IFT80: variants seen among roughly 807,000 people sequenced by gnomAD.
IFT80 encodes the protein intraflagellar transport protein 80 homolog.
In IFT80, 79 loss-of-function variants were observed where a neutral mutation model predicts 107.9. The observed-to-expected ratio is 0.73, with a 90% CI of 0.61 to 0.88. The LOEUF is 0.88. IFT80 is among the 40% of genes least tolerant of loss of function. The pLI, the probability that IFT80 is intolerant of heterozygous loss-of-function variation, is 0.00. For missense variants in IFT80, 797 were observed against 914.2 expected (o/e 0.87, Z 1.65); for synonymous variants, 299 against 300.9 (o/e 0.99, Z 0.07).
At chr3:160,383,867 T>A in intron 2 of IFT80, 1 of 985,414 alleles carries the variant, frequency 1.0e-6, no homozygotes, top group South Asian at 4.7e-5. Context: ...TGTCCTTCAC[T>A]TTATCATGAA....
At position 160,319,838 on chromosome 3, in the gene IFT80, G is replaced by A. The variant is rs143660757; in HGVS notation, c.879C>T (p.Val293=). ...GTTGTTCCACCACATGTGCAAAAAC[G>A]ACATGTCCATTTCCACAGGCTCCAG... The part of the protein sequence containing the change: ...QIAGACGNGH[V]VFAHVVEQHW... Residue 293 remains valine, a synonymous_variant, in exon 9 of 20, where the codon GTC becomes GTT. Transcript: ENST00000326448. The A allele has an allele frequency of 2.1e-4, 331 of 1,612,760 alleles. 6 individuals carry two copies. The South Asian group carries it at 3.0e-3, about 15-fold the overall frequency.
At chr3:160,350,801 G>A (rs565790839) in intron 8 of IFT80, among the ~76,000 whole-genome samples, 42 of 151,930 alleles carry the variant, frequency 2.8e-4, no homozygotes, top group African/African-American at 9.2e-4. Flanking sequence ...GCGACAGAGC[G>A]AGGCTCCGTT....
In IFT80 at chr3:160,325,661, T is replaced by C. The variant is rs763434419; in HGVS notation, c.778-5722A>G. On this transcript the variant is annotated intron_variant, in intron 8 of 19. Coordinates refer to ENST00000326448, the MANE Select transcript of IFT80 (RefSeq NM_020800.3). ...CTTCAGATTTTGAAATATTTGCATA[T>C]ACATAAAAAGATATCTTGAGAATGA... 1.1e-4 allele frequency among the ~76,000 whole-genome samples: 17 copies of C among 152,244 alleles called. No homozygotes were observed. In the South Asian group the frequency reaches 1.2e-3, roughly 11 times the overall value.
In IFT80 at chr3:160,357,373, A is replaced by G. The variant is rs1478046257; in HGVS notation, c.639+116T>C. 7 of 627,322 alleles carry G rather than the reference A, an allele frequency of 1.1e-5. 1 individual carries two copies. The South Asian group carries it at 1.4e-4, about 13-fold the overall frequency. 38.9% of individuals were successfully genotyped at this position (627,322 alleles called of 1,614,324 possible). A position where few individuals can be genotyped will look rare whatever the true frequency, so the allele number is the denominator to read the frequency against. On this transcript the variant is annotated intron_variant, in intron 7 of 19. Transcript: ENST00000326448. ...ACTTAACATTATAAAATAATTTGCT[A>G]AATTACTGGAGTAAAAAGACATGGC... is the stretch of plus-strand genomic sequence containing the variant.
intron 8 of IFT80, among the ~76,000 whole-genome samples, chr3:160,337,867 A>T (rs1719614574): frequency 6.6e-6 from 1 of 152,044 alleles, no homozygotes; most frequent in South Asian, 2.1e-4. Flanking sequence ...ATCTGGGTCA[A>T]TTTTCCTAAT....
intron 18 of IFT80, among the ~76,000 whole-genome samples, chr3:160,276,491 GAC>G (rs1271639566): frequency 6.6e-6 from 1 of 152,096 alleles, no homozygotes; most frequent in Non-Finnish European, 1.5e-5. Context: ...GATCATGAAA[GAC>G]ACTTCAAACC....
chr3:160,382,825 A>T (rs771370004), intron 2 of IFT80, among the ~76,000 whole-genome samples: 6 of 152,186 alleles, frequency 3.9e-5, no homozygotes, highest in Non-Finnish European at 8.8e-5. Context: ...ATTTTTTAAT[A>T]CTTCAAAATA....
chr3:160,336,236 AG>A (rs1438677255), intron 8 of IFT80, among the ~76,000 whole-genome samples: 4 of 152,134 alleles, frequency 2.6e-5, no homozygotes, highest in Non-Finnish European at 5.9e-5. Context: ...TCCAAAGTGG[AG>A]GGGTTACTTT....
intron 8 of IFT80, among the ~76,000 whole-genome samples, chr3:160,330,272 C>T (rs1290037069): frequency 6.6e-6 from 1 of 152,116 alleles, no homozygotes; most frequent in Non-Finnish European, 1.5e-5. Flanking sequence ...TTTAAAAGTT[C>T]TCTAGGTGAT....
chr3:160,310,995 G>A (rs1409694028), intron 9 of IFT80, among the ~76,000 whole-genome samples: 1 of 152,096 alleles, frequency 6.6e-6, no homozygotes, highest in African/African-American at 2.4e-5. Context: ...TGTGGTGGCA[G>A]ACACCTGTGG....
rs573476225 is a variant in IFT80, at chr3:160,370,420, C to T, written c.440-4268G>A. On this transcript the variant is annotated intron_variant, in intron 5 of 19. Transcript: ENST00000326448. ...TGGCCAAATCATTGGCATTCAAACACGAAGAATGATTTCCTTTTCATTTTA... is the reference window on the plus strand; with the variant it reads ...TGGCCAAATCATTGGCATTCAAACATGAAGAATGATTTCCTTTTCATTTTA... Among the ~76,000 whole-genome samples the T allele has an allele frequency of 1.1e-4, 17 of 151,006 alleles. No homozygotes were observed. The South Asian group carries it at 2.9e-3, about 26-fold the overall frequency.
intron 10 of IFT80, among the ~76,000 whole-genome samples, chr3:160,304,394 TA>T (rs779888742): frequency 5.3e-5 from 8 of 152,098 alleles, no homozygotes; most frequent in Non-Finnish European, 1.2e-4. Context: ...ATATCTGGAT[TA>T]GAAATATGGT....
At chr3:160,316,167 C>A (rs370120326) in intron 9 of IFT80, among the ~76,000 whole-genome samples, 1 of 152,110 alleles carries the variant, frequency 6.6e-6, no homozygotes, top group East Asian at 1.9e-4. Flanking sequence ...GCTTGCTCTG[C>A]TAAAGCAAAC....
rs149474183 is a variant in IFT80 at position 160,344,527 on chromosome 3, C to A, written c.777+11486G>T. Among the ~76,000 whole-genome samples the A allele has an allele frequency of 1.3e-3, 201 of 152,186 alleles. 1 individual carries two copies. Among genetic ancestry groups the A allele is most frequent in the African/African-American group, 4.6e-3 (190 of 41,536 alleles). ...ATTGGGAAAAATCTCCAGCGCTGGT[C>A]TGGGCAAAAATTTCTTGAGTAATAC... On this transcript the variant is annotated intron_variant, in intron 8 of 19. Coordinates refer to ENST00000326448, the MANE Select transcript of IFT80 (RefSeq NM_020800.3).
intron 8 of IFT80, among the ~76,000 whole-genome samples, chr3:160,344,504 T>G (rs1298749882): frequency 1.3e-5 from 2 of 152,050 alleles, no homozygotes; most frequent in African/African-American, 4.8e-5. Context: ...AAGAAAGCAT[T>G]GGGAAAAATC....
chr3:160,286,472 G>T (rs1388580330), intron 12 of IFT80, among the ~76,000 whole-genome samples: 1 of 152,190 alleles, frequency 6.6e-6, no homozygotes, highest in Non-Finnish European at 1.5e-5. Flanking sequence ...ACATACAGTG[G>T]CCTGGAACAG....
At chr3:160,283,333 C>T (rs1331233867) in intron 13 of IFT80, among the ~76,000 whole-genome samples, 1 of 152,136 alleles carries the variant, frequency 6.6e-6, no homozygotes, top group African/African-American at 2.4e-5. Context: ...GATTTATTTA[C>T]CTCCTACAAT....
intron 18 of IFT80, among the ~76,000 whole-genome samples, chr3:160,272,758 A>G (rs908322849): frequency 2.0e-5 from 3 of 152,148 alleles, no homozygotes; most frequent in African/African-American, 7.2e-5. Flanking sequence ...TTAAACTTGT[A>G]TATCCCACTC....
Position 160,279,252 on chromosome 3 carries a change from G to A in IFT80, c.1777C>T (p.His593Tyr). ...ISITPYPAIL[H>Y]EYVSSSKWED... Reference sequence around the variant, plus strand: ...CATTTTGAACTGCTTACATATTCATGGAGAATAGCAGGATATGGTGTTATG... The same window carrying A: ...CATTTTGAACTGCTTACATATTCATAGAGAATAGCAGGATATGGTGTTATG... Residue 593 changes from histidine (H) to tyrosine (Y), a missense_variant, in exon 16 of 20, where the codon CAT (histidine) becomes TAT (tyrosine). Coordinates refer to ENST00000326448, the MANE Select transcript of IFT80 (RefSeq NM_020800.3). 6.2e-7 allele frequency: 1 copy of A among 1,613,306 alleles called. No homozygotes were observed. The highest frequency in any genetic ancestry group is 1.7e-5 in the Admixed American group (1 of 59,986).
Sources: gnomAD v4.1 joint callset for allele counts (sites outside exome capture counted in the v4.1 genomes callset) on GRCh38, gnomAD v4.1.1 for gene constraint, MANE v1.5 for transcripts, NCBI Gene and HGNC (gene_info 2026-07-23, HGNC 2026-07-21) for gene names.